Variants in HPSE2 observed in about 807,000 individuals in gnomAD.
HPSE2 encodes inactive heparanase-2.
In HPSE2, 38 loss-of-function variants were observed where a neutral mutation model predicts 60.5. The ratio of observed to expected loss-of-function variants is 0.63; its 90% confidence interval spans 0.48 to 0.82. HPSE2 has a LOEUF of 0.82. Among genes scored for constraint, HPSE2 ranks in the 40% least tolerant of loss-of-function variants. The pLI, the probability that HPSE2 is intolerant of heterozygous loss-of-function variation, is 0.00. For synonymous variants in HPSE2, 295 were observed against 293.2 expected (o/e 1.01, Z -0.06); for missense variants, 713 against 740.4 (o/e 0.96, Z 0.43).
At chr10:98,623,050 TC>T (rs1331503934) in intron 7 of HPSE2, among the ~76,000 whole-genome samples, 2 of 152,112 alleles carry the variant, frequency 1.3e-5, no homozygotes, top group South Asian at 2.1e-4. Context: ...TTTGTGTTTT[TC>T]TTTTTTTTTG....
chr10:98,892,845 T>C (rs1198449008), intron 3 of HPSE2, among the ~76,000 whole-genome samples: 1 of 152,168 alleles, frequency 6.6e-6, no homozygotes. Flanking sequence ...GTGGTTTTTT[T>C]CTTGTTTTTG....
intron 9 of HPSE2, among the ~76,000 whole-genome samples, chr10:98,613,995 G>C (rs1361098957): frequency 1.3e-5 from 2 of 152,146 alleles, no homozygotes; most frequent in Non-Finnish European, 2.9e-5. Flanking sequence ...TGCCATTCTA[G>C]TTTATTTTTC....
In HPSE2 at chr10:99,232,490, C is replaced by A; in HGVS notation, c.306G>T (p.Val102=). 6.4e-7 allele frequency: 1 copy of A among 1,555,124 alleles called. No individual in the cohort carries two copies. The highest frequency in any genetic ancestry group is 8.7e-7 in the Non-Finnish European group (1 of 1,149,648). The change falls in exon 2 of 12, where the codon GTG becomes GTT. Residue 102 remains valine, a synonymous_variant. Coordinates refer to ENST00000370552, the MANE Select transcript of HPSE2 (RefSeq NM_021828.5). ...CGGGCGAAAGTCCCCGGGCCAGGGTCACCAAGCGCTTGGAGCTGCAGAGGA... is the reference window on the plus strand; with the variant it reads ...CGGGCGAAAGTCCCCGGGCCAGGGTAACCAAGCGCTTGGAGCTGCAGAGGA... ...WLDFLSSKRL[V]TLARGLSPAF... is the part of the protein sequence containing the mutation.
At chr10:99,160,891 T>C (rs1417988673) in intron 2 of HPSE2, among the ~76,000 whole-genome samples, 4 of 92,202 alleles carry the variant, frequency 4.3e-5, no homozygotes, top group African/African-American at 8.1e-5. Flanking sequence ...ACAGCGAGAC[T>C]CCGTCTCAAA....
intron 5 of HPSE2, among the ~76,000 whole-genome samples, chr10:98,718,435 T>C (rs1325031203): frequency 6.6e-6 from 1 of 152,164 alleles, no homozygotes; most frequent in Non-Finnish European, 1.5e-5. Context: ...ATCCCACCTA[T>C]GGGTATGTAT....
chr10:99,258,612 T>C, the HPSE2 span, among the ~76,000 whole-genome samples: 1 of 152,188 alleles, frequency 6.6e-6, no homozygotes, highest in African/African-American at 2.4e-5. Flanking sequence ...GGGCCAACGT[T>C]GCCTGATTTC....
intron 11 of HPSE2, among the ~76,000 whole-genome samples, 158 bp downstream of exon 11, chr10:98,482,477 CA>C (rs990128977): frequency 6.6e-6 from 1 of 152,164 alleles, no homozygotes; most frequent in Non-Finnish European, 1.5e-5. Flanking sequence ...AACATGTTCC[CA>C]AAAGGAGTCA....
chr10:99,180,889 C>CAAAAAAAAA (rs68033581), intron 2 of HPSE2, among the ~76,000 whole-genome samples: 3 of 29,700 alleles, frequency 1.0e-4, no homozygotes, highest in African/African-American at 2.2e-4. Flanking sequence ...GACTCCATCT[C>CAAAAAAAAA]AAAAAAAAAA....
At chr10:98,693,365 G>A (rs1948128116) in intron 6 of HPSE2, among the ~76,000 whole-genome samples, 1 of 152,084 alleles carries the variant, frequency 6.6e-6, no homozygotes. Flanking sequence ...TCCATTGTAA[G>A]ATTCTTCCTG....
intron 3 of HPSE2, among the ~76,000 whole-genome samples, chr10:98,979,913 A>C (rs1956168401): frequency 6.6e-6 from 1 of 152,222 alleles, no homozygotes; most frequent in African/African-American, 2.4e-5. Context: ...GGTTATTCTA[A>C]ATTCAAAGCC....
At chr10:98,641,711 G>A in intron 7 of HPSE2, 136 bp downstream of exon 7, 1 of 755,156 alleles carries the variant, frequency 1.3e-6, no homozygotes, top group Admixed American at 1.8e-5. Flanking sequence ...TTGTGACCAT[G>A]CCCATCTAGA....
chr10:98,895,150 T>C (rs907577166), intron 3 of HPSE2, among the ~76,000 whole-genome samples: 6 of 151,918 alleles, frequency 3.9e-5, no homozygotes, highest in African/African-American at 1.5e-4. Flanking sequence ...ACACTGAAAT[T>C]AGGATTACAA....
At chr10:98,681,813 T>C (rs1364783008) in intron 6 of HPSE2, among the ~76,000 whole-genome samples, 1 of 152,182 alleles carries the variant, frequency 6.6e-6, no homozygotes, top group African/African-American at 2.4e-5. Context: ...TGTAACTAAT[T>C]GTTCTGGTTT....
intron 3 of HPSE2, among the ~76,000 whole-genome samples, chr10:98,778,277 A>AGAGAGAGAGAGT (rs1950388317): frequency 6.7e-6 from 1 of 150,246 alleles, no homozygotes; most frequent in African/African-American, 2.5e-5. Flanking sequence ...AGAGAGAGAG[A>AGAGAGAGAGAGT]GAGAGAGAGA....
intron 11 of HPSE2, among the ~76,000 whole-genome samples, chr10:98,465,291 C>G (rs1455996087): frequency 1.3e-5 from 2 of 152,318 alleles, no homozygotes; most frequent in South Asian, 4.1e-4. Context: ...TTTATTTTGA[C>G]TATCTCATTT....
At chr10:99,182,309 T>C (rs1847808710) in intron 2 of HPSE2, among the ~76,000 whole-genome samples, 1 of 152,172 alleles carries the variant, frequency 6.6e-6, no homozygotes, top group South Asian at 2.1e-4. Context: ...TTATCCCCCT[T>C]ATTTTACAAG....
At chr10:98,514,561 AT>A (rs1374886715) in intron 9 of HPSE2, among the ~76,000 whole-genome samples, 1 of 152,096 alleles carries the variant, frequency 6.6e-6, no homozygotes, top group Non-Finnish European at 1.5e-5. Flanking sequence ...CTTATAATTT[AT>A]TTTTAGGAGA....
intron 3 of HPSE2, among the ~76,000 whole-genome samples, chr10:98,951,038 A>C (rs1365559458): frequency 6.6e-6 from 1 of 151,958 alleles, no homozygotes; most frequent in Non-Finnish European, 1.5e-5. Context: ...TACAAGTGAC[A>C]AAAAAAAGTG....
intron 3 of HPSE2, among the ~76,000 whole-genome samples, chr10:98,747,020 T>G (rs1358518844): frequency 6.6e-6 from 1 of 152,114 alleles, no homozygotes; most frequent in Non-Finnish European, 1.5e-5. Flanking sequence ...GAGCTTTAGA[T>G]ATAATAACTT....
Sources: gnomAD v4.1 joint callset for allele counts (sites outside exome capture counted in the v4.1 genomes callset) on GRCh38, gnomAD v4.1.1 for gene constraint, MANE v1.5 for transcripts, NCBI Gene and HGNC (gene_info 2026-07-23, HGNC 2026-07-21) for gene names.